The following APLP2 variants were observed in gnomAD, a reference collection of about 807,000 sequenced individuals.
APLP2 encodes amyloid beta precursor like protein 2.
A neutral mutation model predicts 89.9 loss-of-function variants in APLP2; 53 were observed. That is an observed-to-expected ratio of 0.59 (90% CI 0.47 to 0.74). APLP2 has a LOEUF of 0.74. Ranked by LOEUF, APLP2 falls within the 30% of genes least tolerant of loss-of-function variation. The probability of loss-of-function intolerance (pLI) is 0.00; values close to 1 mark genes in which losing one functional copy is unlikely to be tolerated. For synonymous variants in APLP2, 372 were observed against 348.6 expected (o/e 1.07, Z -0.75); for missense variants, 973 against 975.9 (o/e 1.00, Z 0.04).
At chr11:130,091,407 G>A (rs1945143012) in intron 1 of APLP2, among the ~76,000 whole-genome samples, 1 of 144,396 alleles carries the variant, frequency 6.9e-6, no homozygotes, top group African/African-American at 2.7e-5. Context: ...CGGCTGGCCG[G>A]GCAGAGGGGC....
chr11:130,144,233 A>G lies in APLP2; in HGVS notation c.*785A>G, dbSNP rs917068633. On this transcript the variant is annotated 3_prime_UTR_variant, in exon 17 of 17. Transcript: ENST00000338167. ...ATTCTTCACTGTCTGTTGTTTACCT[A>G]CCGTAGCTTTTTACCGTTCACTTCC... The G allele has an allele frequency of 1.3e-5, 2 of 152,160 alleles. No individual in the cohort carries two copies. Among genetic ancestry groups the G allele is most frequent in the African/African-American group, 4.8e-5 (2 of 41,410 alleles). 9.4% of individuals were successfully genotyped at this position (152,160 alleles called of 1,614,324 possible).
At chr11:130,070,607 G>A in intron 1 of APLP2, 2 of 1,397,750 alleles carry the variant, frequency 1.4e-6, no homozygotes, top group Non-Finnish European at 1.9e-6. Context: ...TTCGCGCGCG[G>A]CAGGGATGCT....
rs914634770 is a variant in APLP2, at chr11:130,119,190, C to G, written c.404-1516C>G. The stretch of plus-strand genomic sequence containing the variant: ...TCATGATATTTTCAGGGTTTTCCCC[C>G]CTTAACCTCAGAGGTTAGTCTGCCA... On this transcript the variant is annotated intron_variant, in intron 3 of 16. Transcript: ENST00000338167. Among the ~76,000 whole-genome samples, 3 of 152,304 alleles carry G rather than the reference C, an allele frequency of 2.0e-5. No individual in the cohort carries two copies. The South Asian group carries it at 6.2e-4, about 32-fold the overall frequency.
intron 3 of APLP2, 94 bp from the exon 4 acceptor site, chr11:130,120,612 T>C: frequency 1.2e-6 from 1 of 860,990 alleles, no homozygotes; most frequent in Non-Finnish European, 2.0e-6. Flanking sequence ...AGACTGCTCC[T>C]GGCTGTGTAG....
At chr11:130,079,083 TTTTA>T (rs536291649) in intron 1 of APLP2, among the ~76,000 whole-genome samples, 16 of 130,682 alleles carry the variant, frequency 1.2e-4, no homozygotes, top group Admixed American at 5.4e-4. Context: ...CATGTATTTT[TTTTA>T]TTTATTTATT....
intron 8 of APLP2, 146 bp from the exon 9 acceptor site, chr11:130,127,620 A>G: frequency 3.0e-6 from 2 of 663,272 alleles, no homozygotes; most frequent in Admixed American, 5.2e-5. Context: ...TGAGGCAGTA[A>G]CAATGCTAAG....
At chr11:130,070,638 C>A (rs1565541147) in intron 1 of APLP2, 1 of 1,460,466 alleles carries the variant, frequency 6.8e-7, no homozygotes, top group Non-Finnish European at 9.0e-7. Flanking sequence ...GGGGAGCTCC[C>A]GCGCCAGGCC....
intron 1 of APLP2, among the ~76,000 whole-genome samples, chr11:130,093,815 G>A (rs1274420138): frequency 2.0e-5 from 3 of 151,338 alleles, no homozygotes; most frequent in Non-Finnish European, 2.9e-5. Flanking sequence ...ATGATCTCAC[G>A]TCACCGCAAC....
intron 12 of APLP2, among the ~76,000 whole-genome samples, chr11:130,134,834 TTAGGG>T (rs987851426): frequency 3.2e-4 from 48 of 152,224 alleles, no homozygotes; most frequent in African/African-American, 1.1e-3. Context: ...AGAAGTGCAC[TTAGGG>T]TTCCACTGGG....
rs757838368 is a variant in APLP2, at chr11:130,135,667, C to T, written c.1789C>T (p.Pro597Ser). ...GAGCTCTGAGGAGAGTGAGGAGATC[C>T]CACCGTTCCACCCCTTCCACCCCTT... ...RVSSEESEEI[P>S]PFHPFHPFPA... is the part of the protein sequence containing the mutation. Residue 597 changes from proline to serine, a missense_variant, in exon 13 of 17, where the codon CCA becomes TCA. Pro to Ser is a moderately conservative substitution (Grantham distance 74, BLOSUM62 -1). Transcript: ENST00000338167. 2 of 1,614,096 alleles carry T rather than the reference C, an allele frequency of 1.2e-6. No homozygotes were observed. The highest frequency in any genetic ancestry group is 1.1e-5 in the South Asian group (1 of 91,078).
intron 11 of APLP2, among the ~76,000 whole-genome samples, chr11:130,132,208 T>C (rs1475629182): frequency 1.3e-5 from 2 of 152,212 alleles, no homozygotes; most frequent in African/African-American, 4.8e-5. Flanking sequence ...GGTGTTGCAT[T>C]TTGGCTTCAT....
At chr11:130,110,177 T>C (rs1268915760) in intron 2 of APLP2, among the ~76,000 whole-genome samples, 1 of 152,202 alleles carries the variant, frequency 6.6e-6, no homozygotes, top group Non-Finnish European at 1.5e-5. Context: ...TGTAATTTCA[T>C]TGACAGATGT....
intron 8 of APLP2, 76 bp from the exon 9 acceptor site, chr11:130,127,690 A>G: frequency 8.4e-7 from 1 of 1,191,802 alleles, no homozygotes. Context: ...TTAGCATCTG[A>G]CAGTGTTTTT....
At chr11:130,070,619 C>A in intron 1 of APLP2, 2 of 1,430,186 alleles carry the variant, frequency 1.4e-6, no homozygotes, top group Non-Finnish European at 9.1e-7. Context: ...AGGGATGCTG[C>A]GAGCCCCGGG....
intron 1 of APLP2, among the ~76,000 whole-genome samples, chr11:130,079,603 T>C (rs532782622): frequency 7.7e-4 from 118 of 152,362 alleles, no homozygotes; most frequent in African/African-American, 2.6e-3. Flanking sequence ...AGATTGACCT[T>C]GTATCCAGTA....
At chr11:130,127,450 T>G (rs1247365013) in intron 8 of APLP2, among the ~76,000 whole-genome samples, 1 of 152,198 alleles carries the variant, frequency 6.6e-6, no homozygotes, top group African/African-American at 2.4e-5. Context: ...AAATGCTTAT[T>G]GTTTTATCCA....
At chr11:130,131,646 C>G (rs1220570457) in intron 11 of APLP2, among the ~76,000 whole-genome samples, 13 of 152,122 alleles carry the variant, frequency 8.5e-5, no homozygotes, top group African/African-American at 2.4e-5. Context: ...CTCTTGGGGT[C>G]TACTTGATTT....
At chr11:130,083,566 G>A (rs1214396894) in intron 1 of APLP2, among the ~76,000 whole-genome samples, 1 of 152,128 alleles carries the variant, frequency 6.6e-6, no homozygotes, top group Non-Finnish European at 1.5e-5. Context: ...CCATATAAGG[G>A]GAATCATGCA....
At chr11:130,092,713 G>GGGAGGT (rs1257595747) in intron 1 of APLP2, among the ~76,000 whole-genome samples, 1 of 142,270 alleles carries the variant, frequency 7.0e-6, no homozygotes, top group Non-Finnish European at 1.5e-5. Context: ...GGGAGGGAGG[G>GGGAGGT]GGAGGGGGAG....
Sources: gnomAD v4.1 joint callset for allele counts (sites outside exome capture counted in the v4.1 genomes callset) on GRCh38, gnomAD v4.1.1 for gene constraint, MANE v1.5 for transcripts, NCBI Gene and HGNC (gene_info 2026-07-23, HGNC 2026-07-21) for gene names.